Variants in PRR5L observed in about 807,000 individuals in gnomAD.
PRR5L encodes the protein proline rich 5 like.
A neutral mutation model predicts 36.4 loss-of-function variants in PRR5L; 21 were observed. That is an observed-to-expected ratio of 0.58 (90% CI 0.41 to 0.83). The LOEUF (loss-of-function observed/expected upper bound fraction) is 0.83. Ranked by LOEUF, PRR5L falls within the 40% of genes least tolerant of loss-of-function variation. The pLI is 0.00. For synonymous variants in PRR5L, 188 were observed against 197.0 expected (o/e 0.95, Z 0.38); for missense variants, 381 against 473.3 (o/e 0.80, Z 1.81).
At chr11:36,328,791 A>T (rs1008992742) in intron 1 of PRR5L, among the ~76,000 whole-genome samples, 1 of 152,248 alleles carries the variant, frequency 6.6e-6, no homozygotes, top group African/African-American at 2.4e-5. Context: ...TTTTAGGCAG[A>T]TGAGGGATGT....
At chr11:36,326,123 T>C (rs1250103063) in intron 1 of PRR5L, among the ~76,000 whole-genome samples, 1 of 152,228 alleles carries the variant, frequency 6.6e-6, no homozygotes, top group Non-Finnish European at 1.5e-5. Flanking sequence ...AAAATTAGAA[T>C]AGTGAACCTC....
intron 1 of PRR5L, among the ~76,000 whole-genome samples, chr11:36,314,884 C>T (rs185053369): frequency 1.3e-5 from 2 of 152,246 alleles, no homozygotes; most frequent in South Asian, 2.1e-4. Flanking sequence ...GGTCACTCAA[C>T]TGAAAAATGA....
chr11:36,312,638 G>A (rs957295626), intron 1 of PRR5L, among the ~76,000 whole-genome samples: 2 of 152,190 alleles, frequency 1.3e-5, no homozygotes, highest in South Asian at 2.1e-4. Context: ...TACTAAACAC[G>A]TGGGACTAGG....
chr11:36,345,713 T>G (rs1248416623), intron 1 of PRR5L, among the ~76,000 whole-genome samples: 3 of 152,192 alleles, frequency 2.0e-5, no homozygotes, highest in Non-Finnish European at 4.4e-5. Context: ...CCTGTCTGGA[T>G]GCAGTGGTAG....
chr11:36,313,594 A>G (rs1856525462), intron 1 of PRR5L, among the ~76,000 whole-genome samples: 1 of 152,156 alleles, frequency 6.6e-6, no homozygotes, highest in African/African-American at 2.4e-5. Flanking sequence ...CTAAGAATGG[A>G]GGGACCTGGG....
intron 1 of PRR5L, among the ~76,000 whole-genome samples, chr11:36,302,261 C>A (rs10742368): frequency 6.6e-6 from 1 of 152,190 alleles, no homozygotes; most frequent in African/African-American, 2.4e-5. Context: ...ATCCTTGAAG[C>A]GGGGATGGGG....
At chr11:36,310,176 G>A (rs1271145942) in intron 1 of PRR5L, among the ~76,000 whole-genome samples, 1 of 152,138 alleles carries the variant, frequency 6.6e-6, no homozygotes, top group Non-Finnish European at 1.5e-5. Flanking sequence ...TCACAACTCT[G>A]TCTGACAGTG....
At chr11:36,343,515 A>G (rs965081436) in intron 1 of PRR5L, among the ~76,000 whole-genome samples, 2 of 152,184 alleles carry the variant, frequency 1.3e-5, no homozygotes, top group African/African-American at 4.8e-5. Flanking sequence ...AGCTAAAAAG[A>G]CAGTGAACAA....
chr11:36,348,678 T>A (rs1856891975), intron 1 of PRR5L, among the ~76,000 whole-genome samples: 1 of 152,158 alleles, frequency 6.6e-6, no homozygotes, highest in Non-Finnish European at 1.5e-5. Flanking sequence ...AATAGCTATT[T>A]AAAAAAATTA....
At chr11:36,413,500 T>G (rs1858071112) in intron 3 of PRR5L, among the ~76,000 whole-genome samples, 1 of 152,184 alleles carries the variant, frequency 6.6e-6, no homozygotes, top group Non-Finnish European at 1.5e-5. Flanking sequence ...TTCAAAAATT[T>G]TACGCATATA....
rs549139523 is a variant in PRR5L, at chr11:36,326,797, T to G, written c.-126+30359T>G. Among the ~76,000 whole-genome samples, 3 of 152,202 alleles carry G rather than the reference T, an allele frequency of 2.0e-5. No individual in the cohort carries two copies. The South Asian group carries it at 6.2e-4, about 32-fold the overall frequency. Reference sequence around the variant, plus strand: ...TTTTAAATGCCACCTGGAAAATATTTAAAGAATCTAAACCAGTCTTAAGAA... The same window carrying G: ...TTTTAAATGCCACCTGGAAAATATTGAAAGAATCTAAACCAGTCTTAAGAA... On this transcript the variant is annotated intron_variant, in intron 1 of 8. Coordinates refer to ENST00000530639, the MANE Select transcript of PRR5L (RefSeq NM_001160167.2).
At chr11:36,367,846 G>A (rs1590490176) in intron 1 of PRR5L, among the ~76,000 whole-genome samples, 1 of 151,986 alleles carries the variant, frequency 6.6e-6, no homozygotes, top group East Asian at 1.9e-4. Flanking sequence ...GAGAGTCCAG[G>A]GTGTATGTGA....
intron 1 of PRR5L, among the ~76,000 whole-genome samples, chr11:36,391,940 A>G (rs979261678): frequency 6.6e-6 from 1 of 152,152 alleles, no homozygotes; most frequent in Non-Finnish European, 1.5e-5. Context: ...TTTTTTACCC[A>G]TTTAACATCC....
intron 6 of PRR5L, among the ~76,000 whole-genome samples, chr11:36,441,982 G>A (rs1263870590): frequency 2.0e-5 from 3 of 152,116 alleles, no homozygotes; most frequent in East Asian, 1.9e-4. Context: ...TCCCCTGAGC[G>A]TGGCCTCCAA....
chr11:36,441,450 G>A (rs1437684494), intron 6 of PRR5L, among the ~76,000 whole-genome samples: 7 of 152,208 alleles, frequency 4.6e-5, no homozygotes, highest in African/African-American at 1.4e-4. Context: ...TCCACATCCA[G>A]GACATACTGA....
intron 1 of PRR5L, among the ~76,000 whole-genome samples, chr11:36,347,126 C>A (rs1208490800): frequency 6.6e-6 from 1 of 152,038 alleles, no homozygotes; most frequent in Admixed American, 6.5e-5. Context: ...ATACTGGTTA[C>A]CTTGGGGAGA....
At chr11:36,462,315 C>T (rs752883964) in intron 8 of PRR5L, 27 bp from the exon 9 acceptor site, 7 of 1,489,130 alleles carry the variant, frequency 4.7e-6, no homozygotes, top group South Asian at 4.3e-5. Context: ...TCCCCAATAA[C>T]AGTCTTTGCT....
intron 4 of PRR5L, among the ~76,000 whole-genome samples, chr11:36,429,888 G>T (rs1202994719): frequency 6.6e-6 from 1 of 152,182 alleles, no homozygotes; most frequent in Non-Finnish European, 1.5e-5. Flanking sequence ...ATGTCGATTT[G>T]GTGCTGATGT....
rs1329143585 is a variant in PRR5L at position 36,351,021 on chromosome 11, T to G, written c.-125-49976T>G. Among the ~76,000 whole-genome samples the G allele has an allele frequency of 7.9e-5, 6 of 75,484 alleles. 1 individual carries two copies. Among genetic ancestry groups the G allele is most frequent in the East Asian group, 4.6e-4 (1 of 2,194 alleles). The allele number at this position is 75,484 out of a possible 152,430, so 49.5% of individuals were successfully genotyped here. On this transcript the variant is annotated intron_variant, in intron 1 of 8. Coordinates refer to ENST00000530639, the MANE Select transcript of PRR5L (RefSeq NM_001160167.2). The stretch of plus-strand genomic sequence containing the variant: ...TTATATATATTTATATAGTTATATA[T>G]TTATATATTTATTTTTTAATATATT...
Sources: allele counts gnomAD v4.1 joint callset (sites outside exome capture counted in the v4.1 genomes callset), GRCh38; gene constraint gnomAD v4.1.1; transcripts MANE v1.5; gene names NCBI Gene and HGNC (gene_info 2026-07-23, HGNC 2026-07-21).